DPYD: variants seen among roughly 807,000 people sequenced by gnomAD.
DPYD encodes the protein dihydropyrimidine dehydrogenase [NADP(+)].
A neutral mutation model predicts 116.2 loss-of-function variants in DPYD; 109 were observed. The observed-to-expected ratio is 0.94, with a 90% CI of 0.80 to 1.10. The LOEUF (loss-of-function observed/expected upper bound fraction) is 1.10, where lower values mean the gene tolerates loss of function less well. Ranked by LOEUF, DPYD falls within the 50% of genes least tolerant of loss-of-function variation. The probability of loss-of-function intolerance (pLI) is 0.00; values close to 1 mark genes in which losing one functional copy is unlikely to be tolerated. For missense variants in DPYD, 1,302 were observed against 1,254.5 expected (o/e 1.04, Z -0.57); for synonymous variants, 440 against 432.0 (o/e 1.02, Z -0.23).
intron 10 of DPYD, among the ~76,000 whole-genome samples, chr1:97,578,846 C>T (rs1253987518): frequency 6.6e-6 from 1 of 152,218 alleles, no homozygotes; most frequent in African/African-American, 2.4e-5. Flanking sequence ...GAACCCAATA[C>T]TGTAAACGAG....
intron 18 of DPYD, among the ~76,000 whole-genome samples, chr1:97,304,066 T>C (rs1667021441): frequency 6.6e-6 from 1 of 152,170 alleles, no homozygotes. Context: ...GTGTTACTTA[T>C]ATAAAATACT....
At chr1:97,791,899 G>A (rs1236973582) in intron 3 of DPYD, among the ~76,000 whole-genome samples, 1 of 151,988 alleles carries the variant, frequency 6.6e-6, no homozygotes, top group East Asian at 1.9e-4. Context: ...TTAGTAATGG[G>A]TAAAAAAGAA....
At chr1:97,348,637 G>A (rs1669976476) in intron 16 of DPYD, among the ~76,000 whole-genome samples, 1 of 152,134 alleles carries the variant, frequency 6.6e-6, no homozygotes, top group Admixed American at 6.6e-5. Flanking sequence ...TGCCTGGAAG[G>A]CTCATCCACA....
chr1:97,097,147 C>A (rs900656481), intron 21 of DPYD, among the ~76,000 whole-genome samples: 1 of 152,120 alleles, frequency 6.6e-6, no homozygotes, highest in Admixed American at 6.6e-5. Flanking sequence ...ACTCAAGAGA[C>A]GATTTGGGGC....
intron 18 of DPYD, among the ~76,000 whole-genome samples, chr1:97,293,182 A>C (rs899697097): frequency 3.3e-5 from 5 of 152,236 alleles, no homozygotes; most frequent in African/African-American, 1.2e-4. Flanking sequence ...TTTTTAAAAC[A>C]GTGATTAATC....
At chr1:97,792,778 G>A (rs979036191) in intron 3 of DPYD, among the ~76,000 whole-genome samples, 23 of 152,018 alleles carry the variant, frequency 1.5e-4, no homozygotes, top group African/African-American at 5.6e-4. Context: ...CTCTAATCAT[G>A]AGGAAAACAT....
intron 10 of DPYD, among the ~76,000 whole-genome samples, chr1:97,580,422 G>GC (rs1359216875): frequency 6.6e-6 from 1 of 152,158 alleles, no homozygotes; most frequent in Non-Finnish European, 1.5e-5. Flanking sequence ...AACATTCAGA[G>GC]CCATGTGGTA....
intron 7 of DPYD, among the ~76,000 whole-genome samples, chr1:97,684,325 T>C (rs1479332447): frequency 6.6e-6 from 1 of 152,160 alleles, no homozygotes; most frequent in Non-Finnish European, 1.5e-5. Flanking sequence ...TTGTTCAATT[T>C]CCAATTGCGT....
At chr1:97,583,216 G>T (rs1005897023) in intron 10 of DPYD, among the ~76,000 whole-genome samples, 1 of 152,060 alleles carries the variant, frequency 6.6e-6, no homozygotes, top group Non-Finnish European at 1.5e-5. Flanking sequence ...TGATCCACCC[G>T]CCCCGGCTTC....
In DPYD at chr1:97,663,833, G is replaced by C. The variant is rs560745530; in HGVS notation, c.850+15262C>G. Among the ~76,000 whole-genome samples, 15 of 152,266 alleles carry C rather than the reference G, an allele frequency of 9.9e-5. No individual in the cohort carries two copies. In the South Asian group the frequency reaches 2.9e-3, roughly 30 times the overall value. On this transcript the variant is annotated intron_variant, in intron 8 of 22. Coordinates refer to ENST00000370192, the MANE Select transcript of DPYD (RefSeq NM_000110.4). ...GTTACATATGACATTCCCTGTATCT[G>C]GGTGCACTCCTAATCCCTGCCCCAG...
chr1:97,479,178 A>G (rs1222422368), intron 13 of DPYD, among the ~76,000 whole-genome samples: 1 of 152,208 alleles, frequency 6.6e-6, no homozygotes, highest in South Asian at 2.1e-4. Flanking sequence ...TTGTATTAAC[A>G]ACTTGGCTAA....
intron 20 of DPYD, among the ~76,000 whole-genome samples, chr1:97,142,027 C>A (rs1366769648): frequency 6.6e-6 from 1 of 152,172 alleles, no homozygotes; most frequent in Non-Finnish European, 1.5e-5. Context: ...CTTTGATTGA[C>A]TCTTTGTTAG....
intron 16 of DPYD, among the ~76,000 whole-genome samples, chr1:97,329,518 G>A (rs1263184286): frequency 6.6e-6 from 1 of 151,886 alleles, no homozygotes; most frequent in Non-Finnish European, 1.5e-5. Flanking sequence ...AGGCCCAGGT[G>A]GGCGGATCAC....
At chr1:97,300,124 A>T (rs61786353) in intron 18 of DPYD, among the ~76,000 whole-genome samples, 36,797 of 152,040 alleles carry the variant, frequency 0.24, 5,486 homozygotes, top group Admixed American at 0.39. Flanking sequence ...GATCAGTTAA[A>T]CTTGTAATAA....
intron 20 of DPYD, among the ~76,000 whole-genome samples, chr1:97,100,115 T>A (rs1024081202): frequency 1.3e-5 from 2 of 152,062 alleles, no homozygotes; most frequent in African/African-American, 2.4e-5. Flanking sequence ...AATGATAGGA[T>A]GGAGGGAGAT....
chr1:97,672,626 T>C lies in DPYD; in HGVS notation c.850+6469A>G, dbSNP rs1659929297. Among the ~76,000 whole-genome samples, 2 of 152,238 alleles carry C rather than the reference T, an allele frequency of 1.3e-5. 1 individual carries two copies. Among genetic ancestry groups the C allele is most frequent in the South Asian group, 4.1e-4 (2 of 4,836 alleles). On this transcript the variant is annotated intron_variant, in intron 8 of 22. Coordinates refer to ENST00000370192, the MANE Select transcript of DPYD (RefSeq NM_000110.4). ...ATAGTGACTAAACAATTTACATTTT[T>C]ATCTGGGGACAGAAGTAAAGCAAAT...
chr1:97,524,019 CT>C (rs1185060902), intron 12 of DPYD, among the ~76,000 whole-genome samples: 1 of 150,030 alleles, frequency 6.7e-6, no homozygotes, highest in Non-Finnish European at 1.5e-5. Context: ...TTATTTTAAA[CT>C]AAAAAAAAAA....
intron 8 of DPYD, among the ~76,000 whole-genome samples, chr1:97,628,240 A>T (rs999973738): frequency 8.5e-5 from 13 of 152,060 alleles, no homozygotes; most frequent in African/African-American, 3.1e-4. Flanking sequence ...GACCAGATGG[A>T]CTTTTTGCTG....
At chr1:97,870,636 A>C (rs1380951454) in intron 2 of DPYD, among the ~76,000 whole-genome samples, 2 of 151,800 alleles carry the variant, frequency 1.3e-5, no homozygotes, top group Admixed American at 6.6e-5. Flanking sequence ...CTCAATTCCT[A>C]ATCATTTCAA....
Sources: allele counts gnomAD v4.1 joint callset (sites outside exome capture counted in the v4.1 genomes callset), GRCh38; gene constraint gnomAD v4.1.1; transcripts MANE v1.5; gene names NCBI Gene and HGNC (gene_info 2026-07-23, HGNC 2026-07-21).